Variants in EEFSEC observed in about 807,000 individuals in gnomAD.
The protein encoded by EEFSEC is selenocysteine-specific elongation factor.
EEFSEC carries 43 observed loss-of-function variants against 42.1 expected under a neutral mutation model. That is an observed-to-expected ratio of 1.02 (90% CI 0.80 to 1.32). The LOEUF (loss-of-function observed/expected upper bound fraction) is 1.32, where lower values mean the gene tolerates loss of function less well. Among genes scored for constraint, EEFSEC ranks in the 40% most tolerant of loss-of-function variants. The pLI, the probability that EEFSEC is intolerant of heterozygous loss-of-function variation, is 0.00. For synonymous variants in EEFSEC, 354 were observed against 339.1 expected, an observed-to-expected ratio of 1.04 and a Z score of -0.48; for missense variants, 745 against 803.6, an observed-to-expected ratio of 0.93 and a Z score of 0.88.
intron 1 of EEFSEC, among the ~76,000 whole-genome samples, chr3:128,241,125 A>G (rs969657948): frequency 4.0e-5 from 6 of 151,462 alleles, no homozygotes; most frequent in African/African-American, 1.5e-4. Flanking sequence ...ACTGAGTTCA[A>G]ATCCCTCTGA....
chr3:128,371,318 G>T (rs1415686521), intron 6 of EEFSEC, among the ~76,000 whole-genome samples: 1 of 152,074 alleles, frequency 6.6e-6, no homozygotes, highest in Non-Finnish European at 1.5e-5. Flanking sequence ...TCTAGACAGG[G>T]TTCCCATCGA....
chr3:128,358,972 T>G lies in EEFSEC; in HGVS notation c.1600+599T>G, dbSNP rs184851555. On this transcript the variant is annotated intron_variant, in intron 6 of 6. Transcript: ENST00000254730. ...CAGCCTACACTGCATCATGTTCTTC[T>G]GTGTTGCAAGCATTGTGCTTGGTGC... is the stretch of plus-strand genomic sequence containing the variant. Among the ~76,000 whole-genome samples the G allele has an allele frequency of 1.5e-3, 226 of 152,340 alleles. 1 individual carries two copies. Among genetic ancestry groups the G allele is most frequent in the African/African-American group, 5.3e-3 (220 of 41,568 alleles).
chr3:128,378,365 A>C (rs762799106), intron 6 of EEFSEC, among the ~76,000 whole-genome samples: 1 of 152,146 alleles, frequency 6.6e-6, no homozygotes, highest in African/African-American at 2.4e-5. Flanking sequence ...CCAGAAGAGT[A>C]GGGGAGGTTT....
intron 6 of EEFSEC, among the ~76,000 whole-genome samples, chr3:128,406,385 T>A (rs1391799222): frequency 1.3e-5 from 2 of 152,038 alleles, no homozygotes; most frequent in Non-Finnish European, 2.9e-5. Context: ...AATGGGGAGA[T>A]CTTGGTCAAA....
chr3:128,364,597 G>A (rs943106676), intron 6 of EEFSEC, among the ~76,000 whole-genome samples: 2 of 152,164 alleles, frequency 1.3e-5, no homozygotes, highest in Non-Finnish European at 1.5e-5. Context: ...CAGTTCCTTC[G>A]CCTACACAGT....
chr3:128,248,848 AT>A, intron 2 of EEFSEC, among the ~76,000 whole-genome samples: 1 of 152,330 alleles, frequency 6.6e-6, no homozygotes, highest in East Asian at 1.9e-4. Context: ...TACTATTTCT[AT>A]TTTAGTGTAT....
At chr3:128,359,248 AG>A (rs2107590401) in intron 6 of EEFSEC, among the ~76,000 whole-genome samples, 1 of 152,288 alleles carries the variant, frequency 6.6e-6, no homozygotes, top group East Asian at 1.9e-4. Flanking sequence ...GTGAGCTTCA[AG>A]TGCATTTGCA....
chr3:128,274,595 T>C (rs1185303157), intron 4 of EEFSEC, among the ~76,000 whole-genome samples: 1 of 152,238 alleles, frequency 6.6e-6, no homozygotes, highest in Non-Finnish European at 1.5e-5. Context: ...CCAGGGCAGC[T>C]GTAGCACCCT....
chr3:128,286,536 G>T (rs1357096826), intron 4 of EEFSEC, among the ~76,000 whole-genome samples: 2 of 152,190 alleles, frequency 1.3e-5, no homozygotes, highest in African/African-American at 4.8e-5. Context: ...TGCTCAAATG[G>T]TTCCAGCCTT....
At chr3:128,336,411 G>A (rs529370616) in intron 4 of EEFSEC, among the ~76,000 whole-genome samples, 10 of 152,108 alleles carry the variant, frequency 6.6e-5, no homozygotes, top group African/African-American at 1.9e-4. Context: ...TTTTAAAACC[G>A]CAAACTGGCA....
chr3:128,334,947 G>T (rs1253416539), intron 4 of EEFSEC, among the ~76,000 whole-genome samples: 1 of 152,212 alleles, frequency 6.6e-6, no homozygotes, highest in African/African-American at 2.4e-5. Context: ...GACACTGGGG[G>T]CCCCTGGGCA....
intron 1 of EEFSEC, among the ~76,000 whole-genome samples, chr3:128,194,474 C>T (rs1266283052): frequency 2.0e-5 from 3 of 152,142 alleles, no homozygotes; most frequent in African/African-American, 7.2e-5. Context: ...TCAGCTTGGC[C>T]CTGCCTTTCA....
chr3:128,356,445 G>C (rs1401317874), intron 5 of EEFSEC, among the ~76,000 whole-genome samples: 1 of 152,118 alleles, frequency 6.6e-6, no homozygotes, highest in African/African-American at 2.4e-5. Context: ...TGCCTGGGTG[G>C]GGACAGAGGG....
At chr3:128,285,618 C>T (rs1258132960) in intron 4 of EEFSEC, among the ~76,000 whole-genome samples, 1 of 152,174 alleles carries the variant, frequency 6.6e-6, no homozygotes, top group Non-Finnish European at 1.5e-5. Flanking sequence ...TCTTGTGCTT[C>T]CCTACTGATC....
chr3:128,258,727 A>G (rs963488167), intron 2 of EEFSEC, among the ~76,000 whole-genome samples: 4 of 152,212 alleles, frequency 2.6e-5, no homozygotes, highest in African/African-American at 9.7e-5. Context: ...TAGCTATCAT[A>G]TCGTTTTTTC....
At chr3:128,208,829 A>G (rs1054566664) in intron 1 of EEFSEC, among the ~76,000 whole-genome samples, 2 of 152,222 alleles carry the variant, frequency 1.3e-5, no homozygotes, top group Admixed American at 1.3e-4. Context: ...GGCTTATTAA[A>G]TGGAGTTTTG....
At chr3:128,164,282 C>G (rs545792426) in intron 1 of EEFSEC, among the ~76,000 whole-genome samples, 2 of 152,156 alleles carry the variant, frequency 1.3e-5, no homozygotes, top group Non-Finnish European at 2.9e-5. Context: ...CTCACAGTCC[C>G]GAGTAGGGAG....
At chr3:128,258,331 G>T (rs191548548) in intron 2 of EEFSEC, among the ~76,000 whole-genome samples, 32 of 152,284 alleles carry the variant, frequency 2.1e-4, no homozygotes, top group Non-Finnish European at 4.0e-4. Flanking sequence ...TCCCAGCACC[G>T]TGGGAAGGAC....
At chr3:128,323,597 C>T (rs977879026) in intron 4 of EEFSEC, among the ~76,000 whole-genome samples, 6 of 152,196 alleles carry the variant, frequency 3.9e-5, no homozygotes, top group Non-Finnish European at 5.9e-5. Flanking sequence ...CTTGACTTCT[C>T]GCCATAGCCC....
Sources: gnomAD v4.1 joint callset for allele counts (sites outside exome capture counted in the v4.1 genomes callset) on GRCh38, gnomAD v4.1.1 for gene constraint, MANE v1.5 for transcripts, NCBI Gene and HGNC (gene_info 2026-07-23, HGNC 2026-07-21) for gene names.